The following RNF185 variants were observed in gnomAD, a reference collection of about 807,000 sequenced individuals.
RNF185 encodes the protein ring finger protein 185.
Under a neutral mutation model 24.9 loss-of-function variants are expected in RNF185, and 13 were observed. The observed-to-expected ratio is 0.52, with a 90% CI of 0.34 to 0.83. RNF185 has a LOEUF of 0.83. Ranked by LOEUF, RNF185 falls within the 40% of genes least tolerant of loss-of-function variation. The pLI, the probability that RNF185 is intolerant of heterozygous loss-of-function variation, is 0.01. For synonymous variants in RNF185, 79 were observed against 90.3 expected, an observed-to-expected ratio of 0.88 and a Z score of 0.71; for missense variants, 184 against 244.7, an observed-to-expected ratio of 0.75 and a Z score of 1.65.
chr22:31,195,039 GCCTCCCGGGTTCAAGCGATTCT>G (rs891533806), intron 3 of RNF185, among the ~76,000 whole-genome samples: 11 of 151,862 alleles, frequency 7.2e-5, no homozygotes, highest in Non-Finnish European at 1.5e-4. Context: ...TGCAACCTCC[GCCTCCCGGGTTCAAGCGATTCT>G]CCTCCCTCAG....
intron 3 of RNF185, among the ~76,000 whole-genome samples, chr22:31,194,187 C>T (rs952993717): frequency 3.3e-5 from 5 of 151,876 alleles, no homozygotes; most frequent in African/African-American, 7.3e-5. Flanking sequence ...CGTGAGCCAC[C>T]GCGCCTGGCC....
intron 1 of RNF185, among the ~76,000 whole-genome samples, chr22:31,184,464 C>G (rs1340739411): frequency 6.6e-6 from 1 of 151,076 alleles, no homozygotes; most frequent in Non-Finnish European, 1.5e-5. Flanking sequence ...TCCTCACATC[C>G]CAGACGATGG....
chr22:31,189,280 C>CTTTTTTTTTTTT (rs1050842065), intron 2 of RNF185, among the ~76,000 whole-genome samples: 5 of 61,538 alleles, frequency 8.1e-5, no homozygotes, highest in African/African-American at 2.0e-4. Flanking sequence ...TGTTGTATAT[C>CTTTTTTTTTTTT]TTTTTTTTTT....
chr22:31,177,738 A>C (rs2047996510), intron 1 of RNF185, among the ~76,000 whole-genome samples: 1 of 152,134 alleles, frequency 6.6e-6, no homozygotes. Context: ...GTTATTTATC[A>C]CCCAAATTCA....
At position 31,201,536 on chromosome 22, in the gene RNF185, G is replaced by A. The variant is rs1394062946; in HGVS notation, c.402G>A (p.Gln134=). ...QGFGFGDGGF[Q]MSFGIGAFPF... Reference sequence around the variant, plus strand: ...TTGGATTTGGAGATGGTGGCTTCCAGATGTCTTTTGGAATTGGGGCATTTC... The same window carrying A: ...TTGGATTTGGAGATGGTGGCTTCCAAATGTCTTTTGGAATTGGGGCATTTC... The change falls in exon 6 of 7, where the codon CAG becomes CAA. Residue 134 remains glutamine (Q), a synonymous_variant. Coordinates refer to ENST00000326132, the MANE Select transcript of RNF185 (RefSeq NM_152267.4). The A allele has an allele frequency of 6.2e-7, 1 of 1,612,196 alleles. No individual in the cohort carries two copies. Among genetic ancestry groups the A allele is most frequent in the Non-Finnish European group, 8.5e-7 (1 of 1,179,864 alleles).
Position 31,165,011 on chromosome 22 carries a change from A to G in RNF185, c.-49+4708A>G, listed in dbSNP as rs149674202. On this transcript the variant is annotated intron_variant, in intron 1 of 6. Transcript: ENST00000326132. ...CCGCAACATCTGCCTCCCAGGTTCA[A>G]GCGATTCTCCTACCTCAGCCTCCCG... Among the ~76,000 whole-genome samples, 1,468 of 152,070 alleles carry G rather than the reference A, an allele frequency of 9.7e-3. 17 individuals carry two copies. Among genetic ancestry groups the G allele is most frequent in the Non-Finnish European group, 0.012 (846 of 67,990 alleles).
intron 1 of RNF185, among the ~76,000 whole-genome samples, chr22:31,184,204 G>A (rs1455635646): frequency 1.3e-4 from 20 of 151,932 alleles, no homozygotes; most frequent in Admixed American, 1.3e-3. Flanking sequence ...CTCAGACAGG[G>A]TGGCAGGTCA....
Position 31,187,181 on chromosome 22 carries a change from G to A in RNF185, c.87G>A (p.Glu29=). ...GTGGGAGCAGCAATGGCGCTGGCGA[G>A]AGCGGAGGGCAGGACAGCACTTTCG... is the stretch of plus-strand genomic sequence containing the variant. The part of the protein sequence containing the change: ...GPSGSSNGAG[E]SGGQDSTFEC... Residue 29 remains glutamate (E), a synonymous_variant, in exon 2 of 7, where the codon GAG becomes GAA. Coordinates refer to ENST00000326132, the MANE Select transcript of RNF185 (RefSeq NM_152267.4). The A allele has an allele frequency of 6.2e-7, 1 of 1,614,036 alleles. No homozygotes were observed. Among genetic ancestry groups the A allele is most frequent in the Non-Finnish European group, 8.5e-7 (1 of 1,179,938 alleles).
At chr22:31,179,201 A>C (rs970875481) in intron 1 of RNF185, among the ~76,000 whole-genome samples, 3 of 152,174 alleles carry the variant, frequency 2.0e-5, no homozygotes, top group Non-Finnish European at 4.4e-5. Flanking sequence ...AAATTTTAGC[A>C]GGATGGCCAT....
chr22:31,176,166 G>T (rs1205134702), intron 1 of RNF185, among the ~76,000 whole-genome samples: 1 of 152,090 alleles, frequency 6.6e-6, no homozygotes, highest in African/African-American at 2.4e-5. Context: ...TCCACTGTCC[G>T]GAGACTACTA....
chr22:31,204,143 G>A (rs1482043819), intron 6 of RNF185, among the ~76,000 whole-genome samples: 1 of 151,736 alleles, frequency 6.6e-6, no homozygotes, highest in African/African-American at 2.4e-5. Flanking sequence ...AGGAGTTCGA[G>A]ACCAGCCTGA....
chr22:31,202,008 A>G (rs554490699), intron 6 of RNF185, among the ~76,000 whole-genome samples: 1 of 152,194 alleles, frequency 6.6e-6, no homozygotes, highest in East Asian at 1.9e-4. Context: ...TTTACTTCCC[A>G]CTTTGACCAT....
At chr22:31,198,704 C>CT (rs1196076379) in intron 5 of RNF185, among the ~76,000 whole-genome samples, 2,863 of 69,792 alleles carry the variant, frequency 0.041, 150 homozygotes, top group South Asian at 0.052. Flanking sequence ...CTGCCACTTT[C>CT]TTTTTTTTTT....
chr22:31,163,166 AT>A (rs1923687117), intron 1 of RNF185, among the ~76,000 whole-genome samples: 1 of 152,128 alleles, frequency 6.6e-6, no homozygotes, highest in South Asian at 2.1e-4. Flanking sequence ...AGTCACACCC[AT>A]TTATTTATAT....
intron 3 of RNF185, among the ~76,000 whole-genome samples, chr22:31,193,080 G>A (rs951637242): frequency 6.6e-6 from 1 of 152,188 alleles, no homozygotes; most frequent in African/African-American, 2.4e-5. Context: ...TTTTTTTGGT[G>A]TCAACAAAGA....
At chr22:31,176,024 A>G (rs2047978889) in intron 1 of RNF185, among the ~76,000 whole-genome samples, 1 of 152,066 alleles carries the variant, frequency 6.6e-6, no homozygotes, top group Non-Finnish European at 1.5e-5. Flanking sequence ...TGGCCTCCCA[A>G]AGTGCTAGGA....
At chr22:31,185,103 A>G (rs549901481) in intron 1 of RNF185, among the ~76,000 whole-genome samples, 1 of 152,116 alleles carries the variant, frequency 6.6e-6, no homozygotes, top group East Asian at 1.9e-4. Context: ...TAAGATGAAG[A>G]GAGCACATGT....
intron 1 of RNF185, among the ~76,000 whole-genome samples, chr22:31,169,812 T>G (rs920646026): frequency 1.3e-5 from 2 of 152,188 alleles, no homozygotes; most frequent in African/African-American, 4.8e-5. Context: ...CCTTCCAAAG[T>G]GCTGGGATTA....
At chr22:31,176,554 T>A (rs1024362733) in intron 1 of RNF185, among the ~76,000 whole-genome samples, 4 of 151,402 alleles carry the variant, frequency 2.6e-5, no homozygotes, top group Admixed American at 2.6e-4. Context: ...AGTGGTGCGA[T>A]CTCAGCTCAC....
Sources: allele counts gnomAD v4.1 joint callset (sites outside exome capture counted in the v4.1 genomes callset), GRCh38; gene constraint gnomAD v4.1.1; transcripts MANE v1.5; gene names NCBI Gene and HGNC (gene_info 2026-07-23, HGNC 2026-07-21).